VAX2: variants seen among roughly 807,000 people sequenced by gnomAD.
VAX2 encodes ventral anterior homeobox 2.
In VAX2, 8 loss-of-function variants were observed where a neutral mutation model predicts 12.5. The observed-to-expected ratio is 0.64, with a 90% CI of 0.37 to 1.15. VAX2 has a LOEUF of 1.15. Among genes scored for constraint, VAX2 ranks in the 50% most tolerant of loss-of-function variants. The pLI, the probability that VAX2 is intolerant of heterozygous loss-of-function variation, is 0.01. For missense variants in VAX2, 476 were observed against 412.9 expected, an observed-to-expected ratio of 1.15 and a Z score of -1.32; for synonymous variants, 183 against 187.6, an observed-to-expected ratio of 0.98 and a Z score of 0.20.
intron 2 of VAX2, among the ~76,000 whole-genome samples, chr2:70,928,654 A>G (rs1260148138): frequency 2.0e-5 from 3 of 151,744 alleles, no homozygotes; most frequent in African/African-American, 7.3e-5. Flanking sequence ...CATCTGTCAC[A>G]CCCCATTACT....
chr2:70,927,111 A>G (rs1410448424), intron 2 of VAX2, among the ~76,000 whole-genome samples: 2 of 152,054 alleles, frequency 1.3e-5, no homozygotes, highest in Non-Finnish European at 2.9e-5. Context: ...GTCAAAATGG[A>G]GTTTTATTTA....
At position 70,914,709 on chromosome 2, in the gene VAX2, C is replaced by G. The variant is rs369941416; in HGVS notation, c.248-6389C>G. ...TTGATTACTATAAAGCTATGCTTAT[C>G]CTTTCATATGTTTATTGGCCATTTA... On this transcript the variant is annotated intron_variant, in intron 1 of 2. Transcript: ENST00000234392. Among the ~76,000 whole-genome samples, 9 of 151,914 alleles carry G rather than the reference C, an allele frequency of 5.9e-5. No homozygotes were observed. The South Asian group carries it at 1.9e-3, about 32-fold the overall frequency.
At chr2:70,930,061 C>T (rs75377263) in intron 2 of VAX2, among the ~76,000 whole-genome samples, 12,567 of 152,164 alleles carry the variant, frequency 0.083, 689 homozygotes, top group East Asian at 0.22. Context: ...CCGCCAGGTG[C>T]GGTGGTGTGC....
rs959555383 is a variant in VAX2 at position 70,900,782 on chromosome 2, C to T, written c.161C>T (p.Pro54Leu). The T allele has an allele frequency of 2.0e-6, 3 of 1,499,002 alleles. No homozygotes were observed. In the African/African-American group the frequency reaches 4.3e-5, roughly 21 times the overall value. 92.9% of individuals were successfully genotyped at this position (1,499,002 alleles called of 1,614,324 possible). Residue 54 changes from proline to leucine, a missense_variant, in exon 1 of 3, where the codon CCC (proline) becomes CTC (leucine). By Grantham distance (98) the Pro-to-Leu change is moderately conservative (BLOSUM62 -3). Coordinates refer to ENST00000234392, the MANE Select transcript of VAX2 (RefSeq NM_012476.3). ...GTGGCCGGGACCTCAGCCTCCAGTC[C>T]CGCAGGCTCCAGGGAGAGTGGAGCC... Reference protein sequence around the residue: ...TEVAGTSASSPAGSRESGADS... With the variant: ...TEVAGTSASSLAGSRESGADS...
chr2:70,908,877 A>G (rs577564197), intron 1 of VAX2, among the ~76,000 whole-genome samples: 40 of 152,344 alleles, frequency 2.6e-4, no homozygotes, highest in African/African-American at 9.6e-4. Context: ...GGAGAAGTTT[A>G]GTTACTTATG....
intron 1 of VAX2, among the ~76,000 whole-genome samples, chr2:70,912,598 G>C (rs1553411365): frequency 6.6e-6 from 1 of 152,178 alleles, no homozygotes; most frequent in African/African-American, 2.4e-5. Flanking sequence ...GGAGGCGGAG[G>C]TTGCAGTGAG....
At chr2:70,928,046 T>G (rs1553413793) in intron 2 of VAX2, among the ~76,000 whole-genome samples, 1 of 152,216 alleles carries the variant, frequency 6.6e-6, no homozygotes, top group Non-Finnish European at 1.5e-5. Context: ...GATTTAACCT[T>G]GAGAAGAGGA....
Position 70,900,788 on chromosome 2 carries a change from G to A in VAX2, c.167G>A (p.Gly56Asp). ...GGGACCTCAGCCTCCAGTCCCGCAG[G>A]CTCCAGGGAGAGTGGAGCCGACAGC... ...VAGTSASSPAGSRESGADSDG... is the reference protein window; with the variant it reads ...VAGTSASSPADSRESGADSDG... The change falls in exon 1 of 3, where the codon GGC (glycine) becomes GAC (aspartate). Residue 56 changes from glycine (G) to aspartate (D), a missense_variant. By Grantham distance (94) the Gly-to-Asp change is moderately conservative. Transcript: ENST00000234392. The A allele has an allele frequency of 6.7e-7, 1 of 1,496,690 alleles. No homozygotes were observed. The allele number at this position is 1,496,690 out of a possible 1,614,324, so 92.7% of individuals were successfully genotyped here. A position where few individuals can be genotyped will look rare whatever the true frequency, so the allele number is the denominator to read the frequency against.
At chr2:70,919,390 G>A (rs1553412492) in intron 1 of VAX2, among the ~76,000 whole-genome samples, 1 of 151,776 alleles carries the variant, frequency 6.6e-6, no homozygotes, top group Non-Finnish European at 1.5e-5. Flanking sequence ...ACATTGAGAA[G>A]GTTAAAGTGC....
intron 2 of VAX2, among the ~76,000 whole-genome samples, chr2:70,929,248 T>A (rs1679637993): frequency 1.3e-5 from 2 of 152,228 alleles, no homozygotes. Context: ...GCCATTCCAT[T>A]AACAAAACAG....
rs116238016 is a variant in VAX2, at chr2:70,926,987, C to A, written c.435+5702C>A. Among the ~76,000 whole-genome samples the A allele has an allele frequency of 3.4e-3, 520 of 152,306 alleles. 4 individuals are homozygous for A. The highest frequency in any genetic ancestry group is 0.012 in the African/African-American group (490 of 41,564). On this transcript the variant is annotated intron_variant, in intron 2 of 2. Coordinates refer to ENST00000234392, the MANE Select transcript of VAX2 (RefSeq NM_012476.3). ...TCTGATTCTCCACGATAGTTTGCTA[C>A]TATATATTGTCTCCTCCACTATATT...
chr2:70,931,224 G>A (rs1241519799), intron 2 of VAX2, among the ~76,000 whole-genome samples: 2 of 152,192 alleles, frequency 1.3e-5, no homozygotes, highest in African/African-American at 4.8e-5. Context: ...TAGAGGCAGG[G>A]CCAGTTCTGC....
chr2:70,925,387 T>C (rs782205984), intron 2 of VAX2, among the ~76,000 whole-genome samples: 1 of 152,120 alleles, frequency 6.6e-6, no homozygotes, highest in Non-Finnish European at 1.5e-5. Flanking sequence ...GACTTGCTCA[T>C]GGATTATACG....
At position 70,921,204 on chromosome 2, in the gene VAX2, G is replaced by C; in HGVS notation, c.354G>C (p.Glu118Asp). ...SFTAEQLYRLEMEFQRCQYVV... is the reference protein window; with the variant it reads ...SFTAEQLYRLDMEFQRCQYVV... ...CTGCCGAGCAGCTGTACCGCCTGGA[G>C]ATGGAGTTCCAGCGCTGCCAGTATG... Residue 118 changes from glutamate to aspartate, a missense_variant, in exon 2 of 3, where the codon GAG becomes GAC. Physicochemically the swap from Glu to Asp is conservative, Grantham distance 45 (BLOSUM62 2). Coordinates refer to ENST00000234392, the MANE Select transcript of VAX2 (RefSeq NM_012476.3). 6.2e-7 allele frequency: 1 copy of C among 1,613,790 alleles called. No homozygotes were observed. The highest frequency in any genetic ancestry group is 2.2e-5 in the East Asian group (1 of 44,866).
chr2:70,922,781 G>A (rs1389039657), intron 2 of VAX2, among the ~76,000 whole-genome samples: 8 of 152,200 alleles, frequency 5.3e-5, no homozygotes, highest in African/African-American at 1.4e-4. Flanking sequence ...AACCCTGCGG[G>A]GCCTCCCTCC....
At chr2:70,932,118 C>A (rs1981719) in intron 2 of VAX2, among the ~76,000 whole-genome samples, 1 of 151,948 alleles carries the variant, frequency 6.6e-6, no homozygotes, top group African/African-American at 2.4e-5. Flanking sequence ...GACAATGCCA[C>A]GGTCCAGGTC....
chr2:70,933,431 A>C lies in VAX2; in HGVS notation c.*227A>C. ...CTCTCACTGAAATAAAAGGAAAACA[A>C]TGACAAGAAGGGAAATGGTGCCCAC... On this transcript the variant is annotated 3_prime_UTR_variant, in exon 3 of 3. Transcript: ENST00000234392. 1.3e-5 allele frequency: 5 copies of C among 394,260 alleles called. No individual in the cohort carries two copies. Among genetic ancestry groups the C allele is most frequent in the Non-Finnish European group, 8.9e-6 (2 of 225,624 alleles). 24.4% of individuals were successfully genotyped at this position (394,260 alleles called of 1,614,324 possible).
At chr2:70,911,697 G>A (rs1327422896) in intron 1 of VAX2, among the ~76,000 whole-genome samples, 1 of 152,082 alleles carries the variant, frequency 6.6e-6, no homozygotes, top group Non-Finnish European at 1.5e-5. Flanking sequence ...TCTAGCCCGA[G>A]TATTTTTTCA....
intron 1 of VAX2, among the ~76,000 whole-genome samples, chr2:70,919,697 C>G (rs1307806007): frequency 6.6e-6 from 1 of 151,912 alleles, no homozygotes; most frequent in African/African-American, 2.4e-5. Context: ...ACAAAAAATA[C>G]AAAAATTAGC....
Sources: allele counts gnomAD v4.1 joint callset (sites outside exome capture counted in the v4.1 genomes callset), GRCh38; gene constraint gnomAD v4.1.1; transcripts MANE v1.5; gene names NCBI Gene and HGNC (gene_info 2026-07-23, HGNC 2026-07-21).